Variants in RHBDL3 observed in about 807,000 individuals in gnomAD.
RHBDL3 encodes rhomboid-related protein 3.
In RHBDL3, 28 loss-of-function variants were observed where a neutral mutation model predicts 48.2. The observed-to-expected ratio is 0.58, with a 90% CI of 0.43 to 0.80. The LOEUF (loss-of-function observed/expected upper bound fraction) is 0.80, where lower values mean the gene tolerates loss of function less well. Among genes scored for constraint, RHBDL3 ranks in the 30% least tolerant of loss-of-function variants. RHBDL3 has a pLI of 0.00. For missense variants in RHBDL3, 464 were observed against 542.7 expected (o/e 0.85, Z 1.44); for synonymous variants, 208 against 232.3 (o/e 0.90, Z 0.95).
intron 8 of RHBDL3, among the ~76,000 whole-genome samples, chr17:32,317,733 C>A (rs187261570): frequency 6.6e-6 from 1 of 152,164 alleles, no homozygotes; most frequent in Admixed American, 6.5e-5. Flanking sequence ...CTTCACTTTG[C>A]GTTCCCTGGG....
At chr17:32,283,554 A>G (rs9899189) in intron 2 of RHBDL3, among the ~76,000 whole-genome samples, 7,796 of 151,688 alleles carry the variant, frequency 0.051, 684 homozygotes, top group African/African-American at 0.18. Context: ...CCATCTCCTG[A>G]CCTTGTGATC....
intron 6 of RHBDL3, among the ~76,000 whole-genome samples, chr17:32,300,904 G>T (rs138650812): frequency 3.3e-5 from 5 of 150,690 alleles, no homozygotes; most frequent in Non-Finnish European, 5.9e-5. Flanking sequence ...ATTTTGAGAC[G>T]GAGTCTCACT....
At chr17:32,276,607 C>G (rs1324576088) in intron 2 of RHBDL3, among the ~76,000 whole-genome samples, 1 of 152,100 alleles carries the variant, frequency 6.6e-6, no homozygotes. Context: ...GTAACCTTCA[C>G]CAGACAGCTG....
At chr17:32,311,106 T>C (rs1466663051) in intron 7 of RHBDL3, among the ~76,000 whole-genome samples, 2 of 152,112 alleles carry the variant, frequency 1.3e-5, no homozygotes, top group African/African-American at 4.8e-5. Context: ...CTTAACCCGT[T>C]TGGGTGAGCA....
In RHBDL3 at chr17:32,321,677, G is replaced by C; in HGVS notation, c.*448G>C. ...GCCCCTCTCTAGCTCAGAAATAATT[G>C]CAGGCCATGTGGTGTCTCCTTGACA... On this transcript the variant is annotated 3_prime_UTR_variant, in exon 9 of 9. Coordinates refer to ENST00000269051, the MANE Select transcript of RHBDL3 (RefSeq NM_138328.3). The C allele has an allele frequency of 3.4e-6, 1 of 290,758 alleles. No individual in the cohort carries two copies. The highest frequency in any genetic ancestry group is 6.8e-6 in the Non-Finnish European group (1 of 148,058). 18.0% of individuals were successfully genotyped at this position (290,758 alleles called of 1,614,324 possible).
At chr17:32,283,562 A>G (rs1448147833) in intron 2 of RHBDL3, among the ~76,000 whole-genome samples, 3 of 151,632 alleles carry the variant, frequency 2.0e-5, no homozygotes, top group Admixed American at 1.3e-4. Flanking sequence ...TGACCTTGTG[A>G]TCCGCCCGCC....
intron 3 of RHBDL3, among the ~76,000 whole-genome samples, 196 bp downstream of exon 3, chr17:32,285,013 C>T (rs1452295159): frequency 1.3e-5 from 2 of 152,210 alleles, no homozygotes; most frequent in Non-Finnish European, 2.9e-5. Context: ...CAGTGTCAGC[C>T]CATCCTCAAG....
chr17:32,266,328 C>G, intron 1 of RHBDL3, 28 bp downstream of exon 1: 1 of 1,276,894 alleles, frequency 7.8e-7, no homozygotes. Flanking sequence ...GCCCGGCAAA[C>G]TTTCTAGGGG....
intron 7 of RHBDL3, among the ~76,000 whole-genome samples, chr17:32,312,578 C>T (rs1172270834): frequency 2.6e-5 from 4 of 152,132 alleles, no homozygotes; most frequent in Admixed American, 6.5e-5. Flanking sequence ...AGTACAGTGG[C>T]GCAATATCGT....
rs1274568595 is a variant in RHBDL3, at chr17:32,276,779, T to TGG, written c.136-7880_136-7879insGG. Among the ~76,000 whole-genome samples, 149 of 103,108 alleles carry TGG rather than the reference T, an allele frequency of 1.4e-3. 5 individuals carry two copies. The highest frequency in any genetic ancestry group is 8.9e-3 in the African/African-American group (137 of 15,442). The allele number at this position is 103,108 out of a possible 152,430, so 67.6% of individuals were successfully genotyped here. Reference sequence around the variant, plus strand: ...GCACAGTACTCCGGCCCTAGCACCTTACTCCGGCCCTAGCACCTTACTCCG... The same window carrying TGG: ...GCACAGTACTCCGGCCCTAGCACCTTGGACTCCGGCCCTAGCACCTTACTCCG... On this transcript the variant is annotated intron_variant, in intron 2 of 8. Transcript: ENST00000269051.
Position 32,321,983 on chromosome 17 carries a change from C to G in RHBDL3, c.*754C>G, listed in dbSNP as rs2041144719. 6.5e-6 allele frequency: 1 copy of G among 152,946 alleles called. No individual in the cohort carries two copies. The highest frequency in any genetic ancestry group is 2.4e-5 in the African/African-American group (1 of 41,478). 9.5% of individuals were successfully genotyped at this position (152,946 alleles called of 1,614,324 possible). On this transcript the variant is annotated 3_prime_UTR_variant, in exon 9 of 9. Transcript: ENST00000269051. The stretch of plus-strand genomic sequence containing the variant: ...CTTCAGACTTCTCCCTCCCTTTCTT[C>G]CAGGATATTGGCATCTCACACGGGT...
Position 32,324,051 on chromosome 17 carries a change from T to G in RHBDL3, c.*2822T>G, listed in dbSNP as rs1213975224. The G allele has an allele frequency of 6.6e-6, 1 of 152,430 alleles. No homozygotes were observed. The highest frequency in any genetic ancestry group is 2.4e-5 in the African/African-American group (1 of 41,446). The allele number at this position is 152,430 out of a possible 1,614,324, so 9.4% of individuals were successfully genotyped here. On this transcript the variant is annotated 3_prime_UTR_variant, in exon 9 of 9. Coordinates refer to ENST00000269051, the MANE Select transcript of RHBDL3 (RefSeq NM_138328.3). ...AGCCCAGGGGGTGGTGTGTAAATCT[T>G]CAGGCTGGTGGAGGTAGGTTGGCCT...
chr17:32,286,015 G>A (rs2040191366), intron 3 of RHBDL3, among the ~76,000 whole-genome samples: 1 of 152,186 alleles, frequency 6.6e-6, no homozygotes, highest in Admixed American at 6.5e-5. Context: ...AGTGGACCCG[G>A]GGAGCAGACC....
At chr17:32,275,617 T>A (rs1231671406) in intron 2 of RHBDL3, among the ~76,000 whole-genome samples, 1 of 150,602 alleles carries the variant, frequency 6.6e-6, no homozygotes, top group Non-Finnish European at 1.5e-5. Flanking sequence ...TCTGGAAGCA[T>A]GCCGATTGTC....
chr17:32,299,574 C>G (rs1321319492), intron 6 of RHBDL3, among the ~76,000 whole-genome samples: 1 of 152,176 alleles, frequency 6.6e-6, no homozygotes, highest in Non-Finnish European at 1.5e-5. Context: ...TAGCAAGGAA[C>G]AGGGAAGACA....
chr17:32,297,281 A>C (rs575021083), intron 5 of RHBDL3, among the ~76,000 whole-genome samples: 1 of 152,262 alleles, frequency 6.6e-6, no homozygotes, highest in East Asian at 1.9e-4. Flanking sequence ...CAGCCTGCCT[A>C]ACATGGTGAA....
chr17:32,293,317 C>G (rs1452648510), intron 4 of RHBDL3, among the ~76,000 whole-genome samples: 2 of 152,162 alleles, frequency 1.3e-5, no homozygotes, highest in African/African-American at 4.8e-5. Context: ...CGCAGTGGCT[C>G]ATGCCTGTAA....
chr17:32,294,550 C>T (rs569750763), intron 5 of RHBDL3, 108 bp downstream of exon 5: 13 of 1,141,548 alleles, frequency 1.1e-5, no homozygotes, highest in African/African-American at 7.9e-5. Context: ...TCTATTTGGA[C>T]ATAGGATTTG....
intron 5 of RHBDL3, among the ~76,000 whole-genome samples, chr17:32,296,236 C>T (rs1314829743): frequency 2.6e-5 from 3 of 115,834 alleles, no homozygotes; most frequent in Non-Finnish European, 5.6e-5. Context: ...GAAAGAGACT[C>T]CATCTCAAAA....
Sources: allele counts gnomAD v4.1 joint callset (sites outside exome capture counted in the v4.1 genomes callset), GRCh38; gene constraint gnomAD v4.1.1; transcripts MANE v1.5; gene names NCBI Gene and HGNC (gene_info 2026-07-23, HGNC 2026-07-21).